Variants in KTN1 observed in about 807,000 individuals in gnomAD.
The protein encoded by KTN1 is kinectin.
In KTN1, 130 loss-of-function variants were observed where a neutral mutation model predicts 222.5. The observed-to-expected ratio is 0.58, with a 90% CI of 0.51 to 0.68. The LOEUF is 0.68. Ranked by LOEUF, KTN1 falls within the 30% of genes least tolerant of loss-of-function variation. KTN1 has a pLI of 0.00. For synonymous variants in KTN1, 512 were observed against 496.3 expected (o/e 1.03, Z -0.42); for missense variants, 1,508 against 1,500.4 (o/e 1.01, Z -0.08).
chr14:55,640,457 CT>C lies in KTN1; in HGVS notation c.1983+19del. ...CAAATGAGCAGGTAGATCTTTATTG[CT>C]TTTGAGCATTGATCTCAGAATTTCA... On this transcript the variant is annotated intron_variant, in intron 15 of 43. Transcript: ENST00000395314. The C allele has an allele frequency of 6.4e-7, 1 of 1,570,358 alleles. No individual in the cohort carries two copies.
chr14:55,592,814 C>T (rs1490496795), intron 1 of KTN1, among the ~76,000 whole-genome samples: 1 of 152,124 alleles, frequency 6.6e-6, no homozygotes, highest in Non-Finnish European at 1.5e-5. Flanking sequence ...GGACAAACTT[C>T]TATGTATACA....
intron 1 of KTN1, among the ~76,000 whole-genome samples, chr14:55,600,115 C>A (rs1344672303): frequency 6.7e-6 from 1 of 149,642 alleles, no homozygotes; most frequent in African/African-American, 2.5e-5. Flanking sequence ...GGTATTATGT[C>A]TCTTCTGGGG....
intron 41 of KTN1, among the ~76,000 whole-genome samples, chr14:55,677,663 G>A (rs2046002902): frequency 6.6e-6 from 1 of 152,022 alleles, no homozygotes; most frequent in Admixed American, 6.6e-5. Flanking sequence ...GATCTCTTTA[G>A]AATATTTTTG....
chr14:55,634,739 G>C, intron 9 of KTN1, 81 bp downstream of exon 9: 1 of 1,184,444 alleles, frequency 8.4e-7, no homozygotes, highest in Non-Finnish European at 1.2e-6. Context: ...ATGAAGAACT[G>C]CCCGAGACTG....
chr14:55,667,825 G>A (rs1426193160), intron 34 of KTN1: 1 of 151,624 alleles, frequency 6.6e-6, no homozygotes, highest in Non-Finnish European at 1.5e-5. Context: ...GTTCTCCTTT[G>A]TTCAGAGAAT....
At chr14:55,635,276 C>G (rs1365051933) in intron 9 of KTN1, among the ~76,000 whole-genome samples, 1 of 152,136 alleles carries the variant, frequency 6.6e-6, no homozygotes, top group African/African-American at 2.4e-5. Context: ...AGCTGATTGA[C>G]AGATATAAAT....
intron 9 of KTN1, among the ~76,000 whole-genome samples, chr14:55,635,210 G>GA (rs1378652026): frequency 6.6e-6 from 1 of 152,238 alleles, no homozygotes; most frequent in African/African-American, 2.4e-5. Flanking sequence ...TGAAAGAATT[G>GA]AATATAGGCT....
chr14:55,592,248 C>T (rs770778948), intron 1 of KTN1, among the ~76,000 whole-genome samples: 65 of 152,282 alleles, frequency 4.3e-4, no homozygotes, highest in Non-Finnish European at 6.5e-4. Flanking sequence ...ACAGTTCTTT[C>T]CCTGGAATTG....
intron 41 of KTN1, 136 bp downstream of exon 41, chr14:55,676,054 G>A (rs1434106223): frequency 1.8e-6 from 1 of 556,664 alleles, no homozygotes; most frequent in Non-Finnish European, 3.1e-6. Context: ...TAAGCTGCTT[G>A]TTATTAGTTA....
chr14:55,597,513 T>C (rs1322809036), intron 1 of KTN1, among the ~76,000 whole-genome samples: 1 of 152,208 alleles, frequency 6.6e-6, no homozygotes, highest in African/African-American at 2.4e-5. Context: ...TGCTGTTTCT[T>C]AAATAGCAAT....
At chr14:55,595,304 A>T (rs1181419757) in intron 1 of KTN1, among the ~76,000 whole-genome samples, 3 of 152,214 alleles carry the variant, frequency 2.0e-5, no homozygotes, top group Non-Finnish European at 2.9e-5. Flanking sequence ...AAAAAAGGTC[A>T]TTGCTTGAAA....
intron 4 of KTN1, among the ~76,000 whole-genome samples, chr14:55,618,568 G>A (rs1401872103): frequency 2.0e-5 from 3 of 152,054 alleles, no homozygotes; most frequent in Admixed American, 6.6e-5. Flanking sequence ...TTAAAAGCCC[G>A]AGGCTCCTTT....
intron 25 of KTN1, among the ~76,000 whole-genome samples, chr14:55,652,438 G>A (rs992771521): frequency 9.4e-5 from 12 of 127,020 alleles, no homozygotes; most frequent in African/African-American, 2.5e-4. Context: ...TCGCTCTGTC[G>A]CCCAGGCTGG....
At chr14:55,586,005 C>G (rs754631022) in intron 1 of KTN1, among the ~76,000 whole-genome samples, 1 of 152,160 alleles carries the variant, frequency 6.6e-6, no homozygotes, top group Non-Finnish European at 1.5e-5. Flanking sequence ...CATGATGTTA[C>G]ACTGCATTTT....
At position 55,675,553 on chromosome 14, in the gene KTN1, A is replaced by G. The variant is rs142113606; in HGVS notation, c.3772-282A>G. On this transcript the variant is annotated intron_variant, in intron 40 of 43. Transcript: ENST00000395314. Reference sequence around the variant, plus strand: ...ATTTCAGTGACTGTTATAAATAGTGATATCTTTAAAAGGTACTTTACTGGA... The same window carrying G: ...ATTTCAGTGACTGTTATAAATAGTGGTATCTTTAAAAGGTACTTTACTGGA... The G allele has an allele frequency of 4.3e-4, 116 of 272,202 alleles. 3 individuals carry two copies. The East Asian group carries it at 7.7e-3, about 18-fold the overall frequency. 16.9% of individuals were successfully genotyped at this position (272,202 alleles called of 1,614,324 possible). A position where few individuals can be genotyped will look rare whatever the true frequency, so the allele number is the denominator to read the frequency against.
At position 55,580,705 on chromosome 14, in the gene KTN1, G is replaced by C. The variant is rs556877044; in HGVS notation, c.-31+351G>C. ...CCGAAGGCGAGGTCGACCCGAGCGG[G>C]CCCTGGGGTGACCGAGGCACCTATT... is the stretch of plus-strand genomic sequence containing the variant. On this transcript the variant is annotated intron_variant, in intron 1 of 43. Transcript: ENST00000395314. Among the ~76,000 whole-genome samples the C allele has an allele frequency of 3.3e-4, 50 of 152,256 alleles. 1 individual carries two copies. In the South Asian group the frequency reaches 9.7e-3, roughly 30 times the overall value.
At chr14:55,662,332 A>G (rs1003045498) in intron 32 of KTN1, among the ~76,000 whole-genome samples, 5 of 152,114 alleles carry the variant, frequency 3.3e-5, no homozygotes, top group African/African-American at 1.2e-4. Flanking sequence ...GGCCTCGCAA[A>G]GTGCTGGGAT....
intron 1 of KTN1, among the ~76,000 whole-genome samples, chr14:55,609,530 A>G (rs984891663): frequency 1.3e-5 from 2 of 152,214 alleles, no homozygotes; most frequent in East Asian, 1.9e-4. Context: ...GGGAAAGGAA[A>G]CTAGAAAATC....
chr14:55,620,830 G>A (rs1208942866), intron 5 of KTN1, among the ~76,000 whole-genome samples: 6 of 152,112 alleles, frequency 3.9e-5, no homozygotes, highest in Non-Finnish European at 1.5e-5. Context: ...CCATTGTTTT[G>A]GTGATTTACA....
Sources: gnomAD v4.1 joint callset for allele counts (sites outside exome capture counted in the v4.1 genomes callset) on GRCh38, gnomAD v4.1.1 for gene constraint, MANE v1.5 for transcripts, NCBI Gene and HGNC (gene_info 2026-07-23, HGNC 2026-07-21) for gene names.